ARHGAP25: variants seen among roughly 807,000 people sequenced by gnomAD.
ARHGAP25 encodes Rho GTPase activating protein 25.
ARHGAP25 carries 34 observed loss-of-function variants against 71.0 expected under a neutral mutation model. The observed-to-expected ratio is 0.48, with a 90% CI of 0.36 to 0.64. ARHGAP25 has a LOEUF of 0.64. Ranked by LOEUF, ARHGAP25 falls within the 30% of genes least tolerant of loss-of-function variation. The pLI is 0.00. For missense variants in ARHGAP25, 706 were observed against 805.1 expected (o/e 0.88, Z 1.49); for synonymous variants, 282 against 296.5 (o/e 0.95, Z 0.50).
intron 9 of ARHGAP25, 87 bp downstream of exon 9, chr2:68,819,406 T>G (rs926072441): frequency 6.9e-7 from 1 of 1,450,528 alleles, no homozygotes; most frequent in African/African-American, 1.4e-5. Context: ...GGGTGGCAAT[T>G]TGGGGAGTTT....
At chr2:68,801,085 T>C (rs554733115) in intron 4 of ARHGAP25, among the ~76,000 whole-genome samples, 1 of 147,462 alleles carries the variant, frequency 6.8e-6, no homozygotes, top group East Asian at 2.0e-4. Flanking sequence ...AGATTAAGAG[T>C]GACAAAACCT....
intron 1 of ARHGAP25, among the ~76,000 whole-genome samples, chr2:68,750,921 A>G (rs1317282421): frequency 6.6e-6 from 1 of 152,226 alleles, no homozygotes; most frequent in Non-Finnish European, 1.5e-5. Context: ...GGAGGCACTA[A>G]TAATAGTTAT....
At chr2:68,725,351 G>A (rs1674858147) in intron 2 of ARHGAP25, among the ~76,000 whole-genome samples, 1 of 151,982 alleles carries the variant, frequency 6.6e-6, no homozygotes. Context: ...TTGAAACAGA[G>A]TCTCTCTCTG....
chr2:68,743,375 G>A (rs561498610), intron 1 of ARHGAP25, among the ~76,000 whole-genome samples: 22 of 152,234 alleles, frequency 1.4e-4, no homozygotes, highest in African/African-American at 4.6e-4. Flanking sequence ...TTAGCTCTAA[G>A]AGTCCTGTAC....
intron 1 of ARHGAP25, among the ~76,000 whole-genome samples, chr2:68,748,972 G>GT (rs1675998489): frequency 6.6e-6 from 1 of 152,148 alleles, no homozygotes; most frequent in Non-Finnish European, 1.5e-5. Context: ...TTAAACCTCA[G>GT]TTTTGTAGTA....
intron 5 of ARHGAP25, among the ~76,000 whole-genome samples, chr2:68,811,609 G>A (rs544848141): frequency 1.0e-3 from 156 of 151,958 alleles, no homozygotes; most frequent in African/African-American, 3.4e-3. Context: ...GCCAGCCCGT[G>A]TTCTCCTATT....
At chr2:68,798,279 T>C (rs1171344363) in intron 4 of ARHGAP25, among the ~76,000 whole-genome samples, 1 of 152,230 alleles carries the variant, frequency 6.6e-6, no homozygotes, top group Non-Finnish European at 1.5e-5. Context: ...TGGAGGGGTG[T>C]GCAATCATTG....
chr2:68,778,178 C>T (rs1169315424), intron 2 of ARHGAP25, among the ~76,000 whole-genome samples: 1 of 152,080 alleles, frequency 6.6e-6, no homozygotes. Context: ...GATATGACAA[C>T]AATGCCCAGT....
intron 1 of ARHGAP25, chr2:68,774,937 G>C (rs1677759264): frequency 2.1e-6 from 3 of 1,408,984 alleles, no homozygotes; most frequent in Non-Finnish European, 1.8e-6. Context: ...CTTTCGGTTT[G>C]CAGAATGACG....
At chr2:68,818,880 A>G (rs1227521357) in intron 8 of ARHGAP25, among the ~76,000 whole-genome samples, 1 of 152,228 alleles carries the variant, frequency 6.6e-6, no homozygotes, top group African/African-American at 2.4e-5. Flanking sequence ...AATCCAGTGG[A>G]CTATTGGCTC....
chr2:68,719,593 A>AG (rs1674704401), intron 2 of ARHGAP25, among the ~76,000 whole-genome samples: 1 of 152,142 alleles, frequency 6.6e-6, no homozygotes, highest in Non-Finnish European at 1.5e-5. Flanking sequence ...TCTAGGGATT[A>AG]GGATGTGGAT....
chr2:68,778,222 A>T (rs973692011), intron 2 of ARHGAP25, among the ~76,000 whole-genome samples: 1 of 152,200 alleles, frequency 6.6e-6, no homozygotes, highest in Non-Finnish European at 1.5e-5. Context: ...CTACATTTAT[A>T]TATCTATACA....
At chr2:68,796,347 G>A (rs1232238400) in intron 4 of ARHGAP25, among the ~76,000 whole-genome samples, 1 of 152,070 alleles carries the variant, frequency 6.6e-6, no homozygotes, top group Admixed American at 6.5e-5. Context: ...AGTTTTTTTG[G>A]TTAGGAGCTA....
At chr2:68,774,655 T>G in intron 1 of ARHGAP25, 1 of 783,798 alleles carries the variant, frequency 1.3e-6, no homozygotes, top group Non-Finnish European at 1.6e-6. Context: ...GGGCTGGGGT[T>G]TGAGTGGGGT....
chr2:68,788,784 T>G (rs532259503), intron 4 of ARHGAP25, among the ~76,000 whole-genome samples: 1 of 152,326 alleles, frequency 6.6e-6, no homozygotes, highest in Non-Finnish European at 1.5e-5. Flanking sequence ...TATATAGTTA[T>G]GTATTGACTG....
intron 2 of ARHGAP25, among the ~76,000 whole-genome samples, chr2:68,778,028 G>C (rs34746174): frequency 0.13 from 19,958 of 151,948 alleles, 1,408 homozygotes; most frequent in Admixed American, 0.17. Context: ...ATAATTCTTA[G>C]TTATGTCAAA....
At chr2:68,819,076 A>G (rs765273339) in intron 8 of ARHGAP25, 47 bp from the exon 9 acceptor site, 3 of 1,475,218 alleles carry the variant, frequency 2.0e-6, no homozygotes, top group South Asian at 2.8e-5. Context: ...AGGACTGACT[A>G]CCTGCCTCCT....
chr2:68,746,705 C>CA (rs1553395319), intron 1 of ARHGAP25, among the ~76,000 whole-genome samples: 2 of 149,950 alleles, frequency 1.3e-5, no homozygotes, highest in South Asian at 2.1e-4. Flanking sequence ...CAGGGACCAC[C>CA]CCCCTCCCCA....
intron 1 of ARHGAP25, among the ~76,000 whole-genome samples, chr2:68,769,600 A>G (rs1448918170): frequency 2.0e-5 from 3 of 152,136 alleles, no homozygotes; most frequent in African/African-American, 7.2e-5. Context: ...GCAAGTGGAG[A>G]GGGAAGACAG....
Sources: allele counts gnomAD v4.1 joint callset (sites outside exome capture counted in the v4.1 genomes callset), GRCh38; gene constraint gnomAD v4.1.1; transcripts MANE v1.5; gene names NCBI Gene and HGNC (gene_info 2026-07-23, HGNC 2026-07-21).